Variants in SMYD1 observed in about 807,000 individuals in gnomAD.
SMYD1 encodes histone-lysine N-methyltransferase SMYD1.
In SMYD1, 49 loss-of-function variants were observed where a neutral mutation model predicts 54.0. The ratio of observed to expected loss-of-function variants is 0.91; its 90% confidence interval spans 0.72 to 1.15. The LOEUF is 1.15. Ranked by LOEUF, SMYD1 falls within the 50% of genes most tolerant of loss-of-function variation. The pLI is 0.00. For synonymous variants in SMYD1, 269 were observed against 234.2 expected, an observed-to-expected ratio of 1.15 and a Z score of -1.36; for missense variants, 653 against 639.6, an observed-to-expected ratio of 1.02 and a Z score of -0.23.
At position 88,096,810 on chromosome 2, in the gene SMYD1, G is replaced by A. The variant is rs57235590; in HGVS notation, c.888+26G>A. On this transcript the variant is annotated intron_variant, in intron 6 of 9. Coordinates refer to ENST00000419482, the MANE Select transcript of SMYD1 (RefSeq NM_198274.4). ...GTACACACAGCCCTGCTGCTGAGGT[G>A]TTTGTGTCTGTCTTCTCCGGGAGCC... is the stretch of plus-strand genomic sequence containing the variant. The A allele has an allele frequency of 8.1e-6, 13 of 1,598,120 alleles. No individual in the cohort carries two copies. In the East Asian group the frequency reaches 2.5e-4, roughly 30 times the overall value.
At chr2:88,088,709 T>C (rs1674396455) in intron 3 of SMYD1, among the ~76,000 whole-genome samples, 1 of 152,172 alleles carries the variant, frequency 6.6e-6, no homozygotes, top group African/African-American at 2.4e-5. Context: ...CACTATCCCT[T>C]CCTGCCCACC....
At chr2:88,110,222 T>TGTGTGTGC in intron 9 of SMYD1, 132 bp from the exon 10 acceptor site, 1 of 864,826 alleles carries the variant, frequency 1.2e-6, no homozygotes, top group Non-Finnish European at 1.8e-6. Context: ...TGTGTGTGTG[T>TGTGTGTGC]GTGTGTGTGT....
chr2:88,072,191 G>T (rs181546304), intron 1 of SMYD1, among the ~76,000 whole-genome samples: 1 of 152,086 alleles, frequency 6.6e-6, no homozygotes, highest in Non-Finnish European at 1.5e-5. Flanking sequence ...TGCTCTGTCA[G>T]CCAGGCTGGA....
chr2:88,091,147 G>GT lies in SMYD1; in HGVS notation c.659+6dup. ...TGTCATATTTAACAATGGCAAGTGA[G>GT]TATGTCTTTATGTGGGGGTGTGTGT... On this transcript the variant is annotated splice_donor_region_variant and intron_variant, in intron 4 of 9. Coordinates refer to ENST00000419482, the MANE Select transcript of SMYD1 (RefSeq NM_198274.4). The GT allele has an allele frequency of 1.2e-6, 2 of 1,613,630 alleles. No homozygotes were observed. Among genetic ancestry groups the GT allele is most frequent in the Non-Finnish European group, 1.7e-6 (2 of 1,179,642 alleles).
At position 88,095,672 on chromosome 2, in the gene SMYD1, G is replaced by A. The variant is rs372686174; in HGVS notation, c.699-923G>A. On this transcript the variant is annotated intron_variant, in intron 5 of 9. Transcript: ENST00000419482. The stretch of plus-strand genomic sequence containing the variant: ...TTCCTACTAGGCAGGGAGGTCCCAG[G>A]ATTCTGGGGAGATACAGGAGCATGG... Among the ~76,000 whole-genome samples, 427 of 152,312 alleles carry A rather than the reference G, an allele frequency of 2.8e-3. 7 individuals carry two copies. Among genetic ancestry groups the A allele is most frequent in the African/African-American group, 9.9e-3 (411 of 41,576 alleles).
rs3222709 is a variant in SMYD1, at chr2:88,110,200, A to AGTGTGTGT, written c.1315-127_1315-120dup. ...CAGGACATTAGGCCCTTGATGAATG[A>AGTGTGTGT]GTGTGTGTGTGTGTGTGTGTGTGTG... On this transcript the variant is annotated intron_variant, in intron 9 of 9. Transcript: ENST00000419482. Among the ~76,000 whole-genome samples the AGTGTGTGT allele has an allele frequency of 7.7e-3, 1,074 of 139,056 alleles. 17 individuals are homozygous for AGTGTGTGT. Among genetic ancestry groups the AGTGTGTGT allele is most frequent in the East Asian group, 0.049 (233 of 4,730 alleles). The allele number at this position is 139,056 out of a possible 152,430, so 91.2% of individuals were successfully genotyped here.
At chr2:88,079,634 A>G (rs1674143602) in intron 1 of SMYD1, among the ~76,000 whole-genome samples, 1 of 152,202 alleles carries the variant, frequency 6.6e-6, no homozygotes, top group South Asian at 2.1e-4. Flanking sequence ...AGCCTGACCA[A>G]CATGGTGAAA....
chr2:88,068,245 C>G (rs986328420), intron 1 of SMYD1, among the ~76,000 whole-genome samples: 1 of 152,164 alleles, frequency 6.6e-6, no homozygotes, highest in Non-Finnish European at 1.5e-5. Flanking sequence ...GGGGCACTTT[C>G]TCCCAATACT....
Position 88,087,701 on chromosome 2 carries a change from C to G in SMYD1, c.315-161C>G, listed in dbSNP as rs867717466. ...AATGTGCTTGTTTACTTACCTCTCC[C>G]CCACTATATGAAGCATCATGATAGA... On this transcript the variant is annotated intron_variant, in intron 2 of 9. Transcript: ENST00000419482. Among the ~76,000 whole-genome samples the G allele has an allele frequency of 2.0e-5, 3 of 152,306 alleles. No individual in the cohort carries two copies. The South Asian group carries it at 6.2e-4, about 32-fold the overall frequency.
intron 3 of SMYD1, among the ~76,000 whole-genome samples, chr2:88,090,156 C>T (rs1042571548): frequency 6.6e-6 from 1 of 152,170 alleles, no homozygotes; most frequent in Non-Finnish European, 1.5e-5. Context: ...CATGAACTTA[C>T]TAAATGTCTG....
chr2:88,107,180 G>A (rs1056436044), intron 8 of SMYD1, among the ~76,000 whole-genome samples: 4 of 151,500 alleles, frequency 2.6e-5, no homozygotes, highest in Admixed American at 6.6e-5. Flanking sequence ...CAGCCTGGGC[G>A]ACAGAGCAAG....
chr2:88,096,828 C>T (rs1489430038), intron 6 of SMYD1, 44 bp downstream of exon 6: 20 of 1,575,588 alleles, frequency 1.3e-5, no homozygotes, highest in Admixed American at 3.5e-5. Context: ...CTGTCTTCTC[C>T]GGGAGCCAGT....
chr2:88,079,520 A>G (rs1227760829), intron 1 of SMYD1, among the ~76,000 whole-genome samples: 2 of 152,176 alleles, frequency 1.3e-5, no homozygotes, highest in Non-Finnish European at 2.9e-5. Context: ...GATGTCTGCA[A>G]TAAGGTCACT....
chr2:88,092,030 C>T (rs532987100), intron 4 of SMYD1, among the ~76,000 whole-genome samples: 102 of 152,304 alleles, frequency 6.7e-4, no homozygotes, highest in African/African-American at 2.4e-3. Context: ...GAGCTGGACC[C>T]GGGATAGAGG....
intron 2 of SMYD1, 129 bp from the exon 3 acceptor site, chr2:88,087,733 T>A (rs964098461): frequency 1.3e-6 from 1 of 779,754 alleles, no homozygotes; most frequent in African/African-American, 1.7e-5. Context: ...TAGAATAAAT[T>A]CCATCCATCT....
chr2:88,075,398 A>C (rs758362427), intron 1 of SMYD1, among the ~76,000 whole-genome samples: 10 of 152,286 alleles, frequency 6.6e-5, no homozygotes, highest in Non-Finnish European at 1.0e-4. Context: ...GGCCATGGAA[A>C]TGTATACAGG....
intron 1 of SMYD1, among the ~76,000 whole-genome samples, chr2:88,077,506 T>A (rs1674094018): frequency 6.6e-6 from 1 of 152,136 alleles, no homozygotes; most frequent in South Asian, 2.1e-4. Flanking sequence ...AACATCTCTT[T>A]GAAATGGCAA....
Position 88,103,047 on chromosome 2 carries a change from C to T in SMYD1, c.889-11C>T, listed in dbSNP as rs767417250. 47 of 1,613,174 alleles carry T rather than the reference C, an allele frequency of 2.9e-5. No homozygotes were observed. Among genetic ancestry groups the T allele is most frequent in the Non-Finnish European group, 3.9e-5 (46 of 1,179,304 alleles). On this transcript the variant is annotated splice_polypyrimidine_tract_variant and intron_variant, in intron 6 of 9. Transcript: ENST00000419482. ...AAGGCATCTCTAGCTCAATGTGTCT[C>T]TCTTTCCCAGCCCTCTCAGGAAGTG... is the stretch of plus-strand genomic sequence containing the variant.
chr2:88,101,759 C>T (rs983893267), intron 6 of SMYD1, among the ~76,000 whole-genome samples: 5 of 152,174 alleles, frequency 3.3e-5, no homozygotes, highest in Non-Finnish European at 7.3e-5. Flanking sequence ...ACGTGTGCCA[C>T]TATACCTGGC....
Sources: gnomAD v4.1 joint callset for allele counts (sites outside exome capture counted in the v4.1 genomes callset) on GRCh38, gnomAD v4.1.1 for gene constraint, MANE v1.5 for transcripts, NCBI Gene and HGNC (gene_info 2026-07-23, HGNC 2026-07-21) for gene names.